The following APBB2 variants were observed in gnomAD, a reference collection of about 807,000 sequenced individuals.
APBB2 encodes amyloid beta precursor protein binding family B member 2.
Under a neutral mutation model 82.5 loss-of-function variants are expected in APBB2, and 38 were observed. That is an observed-to-expected ratio of 0.46 (90% CI 0.36 to 0.60). APBB2 has a LOEUF of 0.60. Ranked by LOEUF, APBB2 falls within the 20% of genes least tolerant of loss-of-function variation. The probability of loss-of-function intolerance (pLI) is 0.00; values close to 1 mark genes in which losing one functional copy is unlikely to be tolerated. For synonymous variants in APBB2, 341 were observed against 368.2 expected, an observed-to-expected ratio of 0.93 and a Z score of 0.85; for missense variants, 772 against 972.3, an observed-to-expected ratio of 0.79 and a Z score of 2.74.
intron 5 of APBB2, among the ~76,000 whole-genome samples, chr4:41,015,867 T>C (rs1809765872): frequency 1.3e-5 from 2 of 152,150 alleles, no homozygotes; most frequent in Admixed American, 6.5e-5. Context: ...AATTTCCTTT[T>C]CCTCCACCCA....
intron 6 of APBB2, 111 bp downstream of exon 6, chr4:41,013,472 C>G: frequency 9.8e-7 from 1 of 1,016,636 alleles, no homozygotes; most frequent in South Asian, 1.6e-5. Flanking sequence ...AAGAGGCTCA[C>G]GTTCCTCTCT....
chr4:41,002,285 G>T (rs1805453059), intron 6 of APBB2, among the ~76,000 whole-genome samples: 1 of 152,180 alleles, frequency 6.6e-6, no homozygotes. Context: ...CAGATTAACA[G>T]ATGGAAGACT....
At chr4:40,817,480 T>A (rs1746160595) in intron 17 of APBB2, among the ~76,000 whole-genome samples, 1 of 152,120 alleles carries the variant, frequency 6.6e-6, no homozygotes, top group Non-Finnish European at 1.5e-5. Context: ...TCCACTTATA[T>A]GAGGATTTTT....
intron 1 of APBB2, chr4:41,193,536 A>T: frequency 1.0e-6 from 1 of 984,748 alleles, no homozygotes; most frequent in Non-Finnish European, 1.2e-6. Context: ...GGCCCTCCTG[A>T]GCTCTCCGAA....
At chr4:40,845,301 G>T (rs1358028748) in intron 12 of APBB2, among the ~76,000 whole-genome samples, 2 of 152,118 alleles carry the variant, frequency 1.3e-5, no homozygotes, top group Non-Finnish European at 2.9e-5. Context: ...CCAAAGCTGG[G>T]CTTCTGCACA....
intron 1 of APBB2, among the ~76,000 whole-genome samples, chr4:41,199,139 A>T (rs1313328076): frequency 6.7e-6 from 1 of 149,150 alleles, no homozygotes; most frequent in African/African-American, 2.6e-5. Flanking sequence ...AAGTATTAGG[A>T]CTTCAAGTTA....
chr4:40,878,127 A>C (rs1482129589), intron 12 of APBB2, among the ~76,000 whole-genome samples: 3 of 152,130 alleles, frequency 2.0e-5, no homozygotes, highest in African/African-American at 7.2e-5. Context: ...AAGGCGGATC[A>C]CTTGAGGCCA....
intron 4 of APBB2, among the ~76,000 whole-genome samples, chr4:41,046,003 G>C (rs1466676576): frequency 6.6e-6 from 1 of 151,980 alleles, no homozygotes; most frequent in Admixed American, 6.5e-5. Context: ...TTTATATTCA[G>C]AGACAAAGAT....
chr4:40,810,041 A>AAAG lies in APBB2; in HGVS notation c.*6048_*6050dup, dbSNP rs879400922. ...AGACATATTCATAAAGTTTGAATTT[A>AAAG]AAGTTTTATTTTTGCAATTCAGTTG... On this transcript the variant is annotated 3_prime_UTR_variant, in exon 18 of 18. Transcript: ENST00000508593. 2.0e-5 allele frequency: 3 copies of AAAG among 152,348 alleles called. No individual in the cohort carries two copies. Among genetic ancestry groups the AAAG allele is most frequent in the African/African-American group, 7.2e-5 (3 of 41,582 alleles). The allele number at this position is 152,348 out of a possible 1,614,324, so 9.4% of individuals were successfully genotyped here.
At chr4:41,211,063 T>G (rs1779201849) in intron 1 of APBB2, among the ~76,000 whole-genome samples, 1 of 152,142 alleles carries the variant, frequency 6.6e-6, no homozygotes, top group Admixed American at 6.5e-5. Context: ...GAGACCAGCC[T>G]GGCCAACATG....
intron 6 of APBB2, among the ~76,000 whole-genome samples, chr4:40,955,823 C>G (rs185014675): frequency 6.6e-6 from 1 of 151,928 alleles, no homozygotes; most frequent in Non-Finnish European, 1.5e-5. Flanking sequence ...GTTGCCCAGG[C>G]TGAATGCAAT....
chr4:41,055,740 T>C (rs1727610179), intron 4 of APBB2, among the ~76,000 whole-genome samples: 1 of 152,218 alleles, frequency 6.6e-6, no homozygotes, highest in African/African-American at 2.4e-5. Context: ...CTGTGTAGGC[T>C]TAAGTAAGTT....
chr4:41,095,732 A>C (rs886366108), intron 3 of APBB2, among the ~76,000 whole-genome samples: 1 of 152,076 alleles, frequency 6.6e-6, no homozygotes, highest in African/African-American at 2.4e-5. Flanking sequence ...GCAGTGAACA[A>C]TCTACACAAC....
chr4:41,100,219 G>A (rs2153967580), intron 3 of APBB2, among the ~76,000 whole-genome samples: 1 of 152,204 alleles, frequency 6.6e-6, no homozygotes, highest in South Asian at 2.1e-4. Context: ...AAAGAACCAA[G>A]TCGATTTCAT....
At chr4:40,938,643 A>G (rs1181125012) in intron 7 of APBB2, among the ~76,000 whole-genome samples, 2 of 152,182 alleles carry the variant, frequency 1.3e-5, no homozygotes, top group East Asian at 1.9e-4. Flanking sequence ...TTTCTCTACA[A>G]TGCTAAGAAA....
At chr4:41,049,386 G>GCCCAGCCAGCCCTCC (rs1319731826) in intron 4 of APBB2, among the ~76,000 whole-genome samples, 8 of 109,288 alleles carry the variant, frequency 7.3e-5, no homozygotes, top group Non-Finnish European at 1.1e-4. Context: ...GTCAGCCCCC[G>GCCCAGCCAGCCCTCC]CCCAGCCAGC....
At chr4:40,995,808 T>C (rs965272459) in intron 6 of APBB2, among the ~76,000 whole-genome samples, 1 of 152,016 alleles carries the variant, frequency 6.6e-6, no homozygotes, top group African/African-American at 2.4e-5. Flanking sequence ...GTACTGGGGA[T>C]TACAGGTGTG....
chr4:41,111,210 C>G (rs1191532532), intron 2 of APBB2, among the ~76,000 whole-genome samples: 2 of 152,260 alleles, frequency 1.3e-5, no homozygotes, highest in Non-Finnish European at 2.9e-5. Flanking sequence ...GCTTTCCTCA[C>G]TCACCTGCCA....
At chr4:41,089,453 G>C (rs928030328) in intron 3 of APBB2, among the ~76,000 whole-genome samples, 1 of 152,018 alleles carries the variant, frequency 6.6e-6, no homozygotes, top group African/African-American at 2.4e-5. Flanking sequence ...CTCAACCTAT[G>C]TTTTGAGTCT....
Sources: gnomAD v4.1 joint callset for allele counts (sites outside exome capture counted in the v4.1 genomes callset) on GRCh38, gnomAD v4.1.1 for gene constraint, MANE v1.5 for transcripts, NCBI Gene and HGNC (gene_info 2026-07-23, HGNC 2026-07-21) for gene names.